Variants in TSPAN5 observed in about 807,000 individuals in gnomAD.
TSPAN5 encodes the protein tetraspanin-5.
A neutral mutation model predicts 37.1 loss-of-function variants in TSPAN5; 10 were observed. The ratio of observed to expected loss-of-function variants is 0.27; its 90% CI spans 0.17 to 0.46. TSPAN5 has a LOEUF of 0.46. Ranked by LOEUF, TSPAN5 falls within the 20% of genes least tolerant of loss-of-function variation. The pLI is 1.00. For synonymous variants in TSPAN5, 110 were observed against 118.9 expected, an observed-to-expected ratio of 0.93 and a Z score of 0.48; for missense variants, 195 against 326.6, an observed-to-expected ratio of 0.60 and a Z score of 3.11.
At chr4:98,541,478 T>C (rs1754354498) in intron 1 of TSPAN5, among the ~76,000 whole-genome samples, 8 of 151,890 alleles carry the variant, frequency 5.3e-5, no homozygotes, top group African/African-American at 1.4e-4. Context: ...AGATCGAGAC[T>C]AGCCTGGGCA....
intron 1 of TSPAN5, among the ~76,000 whole-genome samples, chr4:98,549,740 T>C (rs972743200): frequency 6.6e-6 from 1 of 152,140 alleles, no homozygotes; most frequent in African/African-American, 2.4e-5. Context: ...TCTTTGGGGT[T>C]TTTTTCTTGT....
chr4:98,476,160 G>C, intron 7 of TSPAN5, 29 bp downstream of exon 7: 1 of 1,542,548 alleles, frequency 6.5e-7, no homozygotes, highest in Non-Finnish European at 9.0e-7. Flanking sequence ...TTATTTCCCT[G>C]TGATATCCAT....
At chr4:98,494,241 C>A (rs1753148438) in intron 2 of TSPAN5, among the ~76,000 whole-genome samples, 1 of 152,026 alleles carries the variant, frequency 6.6e-6, no homozygotes, top group Non-Finnish European at 1.5e-5. Context: ...TCAACCTCCT[C>A]CTGAACAAAC....
intron 1 of TSPAN5, among the ~76,000 whole-genome samples, chr4:98,548,634 T>A (rs762071979): frequency 2.0e-5 from 3 of 152,116 alleles, no homozygotes; most frequent in Non-Finnish European, 4.4e-5. Flanking sequence ...AATAGTAAAC[T>A]TTCTACCCAA....
At chr4:98,641,773 G>T (rs184712707) in intron 1 of TSPAN5, among the ~76,000 whole-genome samples, 1 of 152,126 alleles carries the variant, frequency 6.6e-6, no homozygotes, top group Non-Finnish European at 1.5e-5. Context: ...AATCCACCAG[G>T]ACTCCCACTG....
chr4:98,526,464 A>C (rs1753965212), intron 1 of TSPAN5, among the ~76,000 whole-genome samples: 1 of 152,134 alleles, frequency 6.6e-6, no homozygotes, highest in African/African-American at 2.4e-5. Flanking sequence ...CCTAACAAAT[A>C]CCTCTGAGGG....
intron 1 of TSPAN5, among the ~76,000 whole-genome samples, chr4:98,535,348 TGAG>T (rs1190872235): frequency 1.3e-5 from 2 of 152,336 alleles, no homozygotes; most frequent in Non-Finnish European, 1.5e-5. Flanking sequence ...TTAAGAATGT[TGAG>T]TATTGGCCCC....
chr4:98,532,702 C>T (rs1217286794), intron 1 of TSPAN5, among the ~76,000 whole-genome samples: 1 of 152,130 alleles, frequency 6.6e-6, no homozygotes, highest in Non-Finnish European at 1.5e-5. Context: ...TGCCTGAGTG[C>T]CCTGGCCAGA....
Position 98,658,223 on chromosome 4 carries a change from A to C in TSPAN5, c.4T>G (p.Ser2Ala). 6.2e-7 allele frequency: 1 copy of C among 1,613,962 alleles called. No homozygotes were observed. The highest frequency in any genetic ancestry group is 1.1e-5 in the South Asian group (1 of 91,088). Residue 2 changes from serine (S) to alanine (A), a missense_variant, in exon 1 of 8, where the codon TCC becomes GCC. By Grantham distance (99) the Ser-to-Ala change is moderately conservative. Transcript: ENST00000305798. ...TCAGGACCCTTGTAGTGCTTCCCGG[A>C]CATCCTCTGGGTTCATGAAGACACT... M[S>A]GKHYKGPEVS...
chr4:98,616,863 C>T (rs1046321601), intron 1 of TSPAN5, among the ~76,000 whole-genome samples: 4 of 104,548 alleles, frequency 3.8e-5, no homozygotes, highest in East Asian at 2.1e-4. Context: ...AGAAGCTCCA[C>T]GTAAATTTTT....
chr4:98,516,691 G>A (rs1325861101), intron 1 of TSPAN5, among the ~76,000 whole-genome samples: 1 of 152,166 alleles, frequency 6.6e-6, no homozygotes, highest in Non-Finnish European at 1.5e-5. Flanking sequence ...TGGGTCATGG[G>A]GGCAGAGCTC....
chr4:98,584,454 T>C (rs984659488), intron 1 of TSPAN5, among the ~76,000 whole-genome samples: 4 of 152,224 alleles, frequency 2.6e-5, no homozygotes, highest in Admixed American at 1.3e-4. Context: ...TCACAGTCCA[T>C]AGTTGAATGA....
At chr4:98,475,393 T>C (rs1752669505) in intron 7 of TSPAN5, among the ~76,000 whole-genome samples, 2 of 152,206 alleles carry the variant, frequency 1.3e-5, no homozygotes, top group Non-Finnish European at 2.9e-5. Context: ...AGTCCAGCTC[T>C]TAAGACTGGC....
At chr4:98,481,179 G>A (rs2110258690) in intron 4 of TSPAN5, among the ~76,000 whole-genome samples, 1 of 152,276 alleles carries the variant, frequency 6.6e-6, no homozygotes, top group East Asian at 1.9e-4. Context: ...ATAAAAACAT[G>A]TATGTCTCAT....
At chr4:98,612,708 G>A (rs567335486) in intron 1 of TSPAN5, among the ~76,000 whole-genome samples, 2,364 of 151,942 alleles carry the variant, frequency 0.016, 45 homozygotes, top group African/African-American at 0.055. Context: ...GGCTCCCCCC[G>A]CTCCCCTATC....
intron 1 of TSPAN5, among the ~76,000 whole-genome samples, chr4:98,638,518 T>A (rs1756903642): frequency 6.6e-6 from 1 of 152,198 alleles, no homozygotes; most frequent in East Asian, 1.9e-4. Flanking sequence ...CACCGGCATT[T>A]GGTTTCTTTG....
chr4:98,473,904 G>A (rs1404583308), intron 7 of TSPAN5, among the ~76,000 whole-genome samples: 1 of 152,086 alleles, frequency 6.6e-6, no homozygotes, highest in Non-Finnish European at 1.5e-5. Context: ...GGATTACAGG[G>A]ACAAGTCACC....
intron 2 of TSPAN5, among the ~76,000 whole-genome samples, chr4:98,504,485 G>T (rs998517879): frequency 9.2e-5 from 14 of 152,126 alleles, no homozygotes; most frequent in Non-Finnish European, 1.8e-4. Context: ...CAATTCTCTG[G>T]TCCATGGATT....
intron 2 of TSPAN5, among the ~76,000 whole-genome samples, chr4:98,506,221 C>G (rs1160108374): frequency 6.6e-6 from 1 of 152,104 alleles, no homozygotes; most frequent in Non-Finnish European, 1.5e-5. Flanking sequence ...TAACCAACTT[C>G]CCAGATTCCA....
Sources: gnomAD v4.1 joint callset for allele counts (sites outside exome capture counted in the v4.1 genomes callset) on GRCh38, gnomAD v4.1.1 for gene constraint, MANE v1.5 for transcripts, NCBI Gene and HGNC (gene_info 2026-07-23, HGNC 2026-07-21) for gene names.